Variants in SGCD observed in about 807,000 individuals in gnomAD.
SGCD encodes sarcoglycan delta.
In SGCD, 18 loss-of-function variants were observed where a neutral mutation model predicts 36.6. The ratio of observed to expected loss-of-function variants is 0.49; its 90% CI spans 0.34 to 0.73. The LOEUF is 0.73. Ranked by LOEUF, SGCD falls within the 30% of genes least tolerant of loss-of-function variation. The pLI is 0.01. For missense variants in SGCD, 387 were observed against 346.7 expected (o/e 1.12, Z -0.92); for synonymous variants, 133 against 130.6 (o/e 1.02, Z -0.12).
chr5:156,262,849 C>T lies in SGCD; in HGVS notation c.-43-66685C>T, dbSNP rs922255684. On this transcript the variant is annotated intron_variant, in intron 3 of 9. Transcript: ENST00000517913. ...ATGGTCTCCAATTCCATTCAGGTTGCTGTGAATGCCATTATTTTGTTTCTT... is the reference window on the plus strand; with the variant it reads ...ATGGTCTCCAATTCCATTCAGGTTGTTGTGAATGCCATTATTTTGTTTCTT... Among the ~76,000 whole-genome samples the T allele has an allele frequency of 2.0e-5, 3 of 151,776 alleles. No homozygotes were observed. In the East Asian group the frequency reaches 5.8e-4, roughly 29 times the overall value.
At chr5:156,495,133 A>T (rs1756126971) in intron 3 of SGCD, among the ~76,000 whole-genome samples, 1 of 152,104 alleles carries the variant, frequency 6.6e-6, no homozygotes, top group Non-Finnish European at 1.5e-5. Context: ...CATGGATGAA[A>T]TATGGGAAGG....
chr5:155,869,984 G>A (rs534880008), upstream of SGCD, among the ~76,000 whole-genome samples: 1 of 144,692 alleles, frequency 6.9e-6, no homozygotes, highest in South Asian at 2.2e-4. Context: ...GCAAGGCAGA[G>A]CGAGACTCCG....
the SGCD span, among the ~76,000 whole-genome samples, chr5:155,777,360 G>GTTTTTTTT: frequency 1.4e-5 from 2 of 139,968 alleles, no homozygotes; most frequent in African/African-American, 2.6e-5. Context: ...TAGTTTTTTT[G>GTTTTTTTT]TTTTTTTTTT....
intron 1 of SGCD, among the ~76,000 whole-genome samples, chr5:155,880,912 T>G (rs1755867289): frequency 6.6e-6 from 1 of 152,108 alleles, no homozygotes; most frequent in African/African-American, 2.4e-5. Flanking sequence ...TCCATTTGAC[T>G]CCTAGGTGAG....
At chr5:156,402,247 G>C (rs1469166534) in intron 3 of SGCD, among the ~76,000 whole-genome samples, 1 of 152,026 alleles carries the variant, frequency 6.6e-6, no homozygotes, top group Non-Finnish European at 1.5e-5. Flanking sequence ...ATATCTGTTG[G>C]AGTCCCTGTT....
At chr5:156,124,362 T>A (rs1340492538) in intron 3 of SGCD, among the ~76,000 whole-genome samples, 2 of 152,154 alleles carry the variant, frequency 1.3e-5, no homozygotes, top group Admixed American at 6.6e-5. Flanking sequence ...AGACTTCAGG[T>A]AACAAGATGA....
chr5:155,767,964 A>T, the SGCD span, among the ~76,000 whole-genome samples: 1 of 152,186 alleles, frequency 6.6e-6, no homozygotes, highest in African/African-American at 2.4e-5. Flanking sequence ...CATATGTATT[A>T]TATATAGAAT....
intron 1 of SGCD, among the ~76,000 whole-genome samples, chr5:156,001,107 C>T (rs967011393): frequency 2.3e-4 from 35 of 152,178 alleles, no homozygotes; most frequent in Non-Finnish European, 7.4e-5. Context: ...GGGTCTACTA[C>T]CTGCTTGGTC....
At chr5:156,372,852 C>T (rs1347215685) in intron 3 of SGCD, among the ~76,000 whole-genome samples, 1 of 150,762 alleles carries the variant, frequency 6.6e-6, no homozygotes, top group Non-Finnish European at 1.5e-5. Flanking sequence ...CTTTCAGGAT[C>T]AAGGAGCTTT....
At chr5:155,936,909 G>A (rs965869614) in intron 1 of SGCD, among the ~76,000 whole-genome samples, 2 of 152,298 alleles carry the variant, frequency 1.3e-5, no homozygotes, top group Admixed American at 6.5e-5. Flanking sequence ...GCAGGAGGCT[G>A]CCATGTCAGC....
At chr5:156,086,660 T>C (rs1273553914) in intron 1 of SGCD, among the ~76,000 whole-genome samples, 1 of 152,166 alleles carries the variant, frequency 6.6e-6, no homozygotes, top group East Asian at 1.9e-4. Flanking sequence ...CATAGGTGCC[T>C]GGATTGTTTC....
intron 4 of SGCD, among the ~76,000 whole-genome samples, chr5:156,558,665 C>G (rs959264606): frequency 1.3e-5 from 2 of 152,062 alleles, no homozygotes; most frequent in African/African-American, 4.8e-5. Context: ...AGCTGAGTCA[C>G]AAAAGGGAAC....
chr5:155,836,474 C>CCT, the SGCD span, among the ~76,000 whole-genome samples: 4 of 116,316 alleles, frequency 3.4e-5, no homozygotes, highest in African/African-American at 1.5e-4. Flanking sequence ...ATACCCACCC[C>CCT]CGCCCCGCAC....
intron 7 of SGCD, among the ~76,000 whole-genome samples, chr5:156,736,423 G>A (rs1756367729): frequency 6.6e-6 from 1 of 152,122 alleles, no homozygotes; most frequent in African/African-American, 2.4e-5. Context: ...TCATTAAATA[G>A]GGATATTGTA....
chr5:156,321,035 TG>T (rs966766377), intron 3 of SGCD, among the ~76,000 whole-genome samples: 5 of 152,258 alleles, frequency 3.3e-5, no homozygotes, highest in Non-Finnish European at 7.3e-5. Flanking sequence ...TCAACTGTTT[TG>T]GGCTTTCATA....
intron 3 of SGCD, among the ~76,000 whole-genome samples, chr5:156,207,208 G>C (rs1764304000): frequency 6.6e-6 from 1 of 152,020 alleles, no homozygotes; most frequent in African/African-American, 2.4e-5. Context: ...GTCACTGCAT[G>C]TACACTTTGA....
chr5:155,879,456 G>A (rs1279326223), intron 1 of SGCD, among the ~76,000 whole-genome samples: 1 of 152,030 alleles, frequency 6.6e-6, no homozygotes, highest in Non-Finnish European at 1.5e-5. Context: ...AACTTCCCTG[G>A]ATAGCGTTGT....
chr5:156,229,277 C>CATATATATATATATATATATAT lies in SGCD; in HGVS notation c.-43-100255_-43-100234dup, dbSNP rs570200528. On this transcript the variant is annotated intron_variant, in intron 3 of 9. Coordinates refer to the SGCD transcript ENST00000517913. ...ACATACATACATATATATATACATA[C>CATATATATATATATATATATAT]ATATATATATATATATATATATAAA... is the stretch of plus-strand genomic sequence containing the variant. Among the ~76,000 whole-genome samples the CATATATATATATATATATATAT allele has an allele frequency of 3.7e-3, 211 of 56,394 alleles. 8 individuals carry two copies. The highest frequency in any genetic ancestry group is 9.4e-3 in the South Asian group (15 of 1,592). 37.0% of individuals were successfully genotyped at this position (56,394 alleles called of 152,430 possible). A position where few individuals can be genotyped will look rare whatever the true frequency, so the allele number is the denominator to read the frequency against.
At chr5:156,007,669 T>G (rs991315986) in intron 1 of SGCD, among the ~76,000 whole-genome samples, 19 of 152,198 alleles carry the variant, frequency 1.2e-4, no homozygotes, top group African/African-American at 4.6e-4. Flanking sequence ...TGATAAACTT[T>G]ATCTGCAAAC....
Sources: gnomAD v4.1 joint callset for allele counts (sites outside exome capture counted in the v4.1 genomes callset) on GRCh38, gnomAD v4.1.1 for gene constraint, MANE v1.5 for transcripts, NCBI Gene and HGNC (gene_info 2026-07-23, HGNC 2026-07-21) for gene names.